Variants in GAS2L3 observed in about 807,000 individuals in gnomAD.
The protein encoded by GAS2L3 is GAS2-like protein 3.
Under a neutral mutation model 37.0 loss-of-function variants are expected in GAS2L3, and 28 were observed. That is an observed-to-expected ratio of 0.76 (90% CI 0.56 to 1.04). The LOEUF is 1.04. Ranked by LOEUF, GAS2L3 falls within the 50% of genes least tolerant of loss-of-function variation. The pLI, the probability that GAS2L3 is intolerant of heterozygous loss-of-function variation, is 0.00. For synonymous variants in GAS2L3, 290 were observed against 296.6 expected (o/e 0.98, Z 0.23); for missense variants, 793 against 817.6 (o/e 0.97, Z 0.37).
intron 3 of GAS2L3, 21 bp downstream of exon 3, chr12:100,594,943 C>A (rs1278908418): frequency 2.6e-6 from 3 of 1,166,250 alleles, no homozygotes; most frequent in Non-Finnish European, 3.6e-6. Context: ...TTCTTGGAAA[C>A]AATATTTAAA....
intron 1 of GAS2L3, among the ~76,000 whole-genome samples, chr12:100,576,742 C>G (rs1955642188): frequency 7.9e-6 from 1 of 126,152 alleles, no homozygotes; most frequent in Non-Finnish European, 1.7e-5. Context: ...TACATTGTTA[C>G]AGAGTAGGTA....
chr12:100,597,685 C>T (rs544600649), intron 3 of GAS2L3, among the ~76,000 whole-genome samples: 46 of 151,218 alleles, frequency 3.0e-4, no homozygotes, highest in African/African-American at 1.0e-3. Flanking sequence ...TGAGTGTATT[C>T]ATTTTCTTTG....
intron 8 of GAS2L3, among the ~76,000 whole-genome samples, chr12:100,621,455 C>A (rs1006233237): frequency 1.3e-5 from 2 of 151,892 alleles, no homozygotes; most frequent in African/African-American, 4.8e-5. Context: ...ATAGAAAATT[C>A]TATAAGCTTC....
rs1331461125 is a variant in GAS2L3, at chr12:100,624,087, A to T, written c.1282A>T (p.Ile428Leu). The T allele has an allele frequency of 6.2e-7, 1 of 1,613,976 alleles. No individual in the cohort carries two copies. The highest frequency in any genetic ancestry group is 2.2e-5 in the East Asian group (1 of 44,888). The change falls in exon 10 of 10, where the codon ATA (isoleucine) becomes TTA (leucine). Residue 428 changes from isoleucine to leucine, a missense_variant. Coordinates refer to ENST00000547754, the MANE Select transcript of GAS2L3 (RefSeq NM_174942.3). ...AGCTTTACCAAGAACTGCACCTTGT[A>T]TATCTGAGTCACCGAGAAAATGTAT... is the stretch of plus-strand genomic sequence containing the variant. Reference protein sequence around the residue: ...SPALPRTAPCISESPRKCISS... With the variant: ...SPALPRTAPCLSESPRKCISS...
intron 1 of GAS2L3, among the ~76,000 whole-genome samples, chr12:100,589,182 C>T (rs571835458): frequency 6.6e-6 from 1 of 152,170 alleles, no homozygotes; most frequent in Admixed American, 6.5e-5. Flanking sequence ...TCTGCTGCGG[C>T]TCCCTCCGTT....
At chr12:100,620,910 T>C (rs945595089) in intron 8 of GAS2L3, among the ~76,000 whole-genome samples, 1 of 152,106 alleles carries the variant, frequency 6.6e-6, no homozygotes, top group Non-Finnish European at 1.5e-5. Context: ...TGTGTATGTT[T>C]GTATCAACAT....
At chr12:100,611,935 C>CA in intron 5 of GAS2L3, 65 bp from the exon 6 acceptor site, 2 of 1,101,570 alleles carry the variant, frequency 1.8e-6, no homozygotes, top group South Asian at 2.6e-5. Flanking sequence ...TTAGCAATAT[C>CA]AAAATGAATG....
intron 8 of GAS2L3, among the ~76,000 whole-genome samples, chr12:100,619,079 A>T (rs1018807596): frequency 1.3e-5 from 2 of 152,092 alleles, no homozygotes; most frequent in Non-Finnish European, 2.9e-5. Flanking sequence ...GACAGGAATT[A>T]GTGAGTGTTT....
rs758194851 is a variant in GAS2L3 at position 100,622,282 on chromosome 12, A to G, written c.656A>G (p.His219Arg). ...RHEELHEAVK[H>R]IAEDPPCSCS... ...ATTTGTTCGTCATCTTAGGTTAAAC[A>G]TATTGCTGAGGACCCTCCTTGTAGT... The change falls in exon 9 of 10, where the codon CAT becomes CGT. Residue 219 changes from histidine (H) to arginine (R), a missense_variant. Physicochemically the swap from His to Arg is conservative, Grantham distance 29. Coordinates refer to ENST00000547754, the MANE Select transcript of GAS2L3 (RefSeq NM_174942.3). 6.4e-7 allele frequency: 1 copy of G among 1,572,482 alleles called. No individual in the cohort carries two copies. The highest frequency in any genetic ancestry group is 1.1e-5 in the South Asian group (1 of 88,604).
chr12:100,595,467 C>G (rs1429845421), intron 3 of GAS2L3, among the ~76,000 whole-genome samples: 4 of 150,386 alleles, frequency 2.7e-5, no homozygotes, highest in African/African-American at 9.8e-5. Context: ...TCAGAATAGC[C>G]TTATATCTGA....
chr12:100,574,072 G>C (rs1301658456), intron 1 of GAS2L3: 1 of 152,398 alleles, frequency 6.6e-6, no homozygotes, highest in Non-Finnish European at 1.5e-5. Context: ...GGGGCGGTTG[G>C]GGCTGCTGGT....
At chr12:100,622,129 TTAA>T in intron 8 of GAS2L3, 143 bp from the exon 9 acceptor site, 1 of 436,846 alleles carries the variant, frequency 2.3e-6, no homozygotes. Context: ...TCAATATTTG[TTAA>T]TAAGCACAGG....
At chr12:100,583,773 T>A (rs561327203) in intron 1 of GAS2L3, among the ~76,000 whole-genome samples, 1 of 152,174 alleles carries the variant, frequency 6.6e-6, no homozygotes, top group South Asian at 2.1e-4. Context: ...CCAGCCGTCA[T>A]TTTTTTTCCT....
chr12:100,598,324 T>G (rs11110433), intron 3 of GAS2L3, among the ~76,000 whole-genome samples: 11,342 of 152,184 alleles, frequency 0.075, 587 homozygotes, highest in South Asian at 0.18. Context: ...TTTAATTACC[T>G]TGATACTTTT....
rs111784514 is a variant in GAS2L3, at chr12:100,583,538, C to T, written c.-151-8198C>T. ...TCCTTCCTTTCTTTCTTTTTTTTCT[C>T]TCAGCTCACTGCAACCTCCACCTCC... On this transcript the variant is annotated intron_variant, in intron 1 of 9. Transcript: ENST00000547754. 1.4e-3 allele frequency among the ~76,000 whole-genome samples: 215 copies of T among 151,936 alleles called. 1 individual carries two copies. Among genetic ancestry groups the T allele is most frequent in the African/African-American group, 3.6e-3 (149 of 41,466 alleles).
chr12:100,616,371 T>C (rs1956187444), intron 6 of GAS2L3, among the ~76,000 whole-genome samples: 1 of 152,188 alleles, frequency 6.6e-6, no homozygotes, highest in Non-Finnish European at 1.5e-5. Context: ...ATTTTGTAGA[T>C]TCTTCAGGGT....
intron 1 of GAS2L3, among the ~76,000 whole-genome samples, chr12:100,590,261 T>C (rs955435113): frequency 2.0e-5 from 3 of 152,042 alleles, no homozygotes; most frequent in African/African-American, 4.8e-5. Flanking sequence ...GCTAAGGACA[T>C]GAATAGACAG....
chr12:100,614,004 G>A (rs1285454097), intron 6 of GAS2L3, among the ~76,000 whole-genome samples: 1 of 152,132 alleles, frequency 6.6e-6, no homozygotes, highest in African/African-American at 2.4e-5. Context: ...TTTAAGGACT[G>A]CAACAGAAAA....
chr12:100,610,248 A>G (rs1461165802), intron 5 of GAS2L3, among the ~76,000 whole-genome samples: 1 of 152,252 alleles, frequency 6.6e-6, no homozygotes, highest in Non-Finnish European at 1.5e-5. Context: ...CAACAGAGAA[A>G]TTGTTAAAAA....
Sources: gnomAD v4.1 joint callset for allele counts (sites outside exome capture counted in the v4.1 genomes callset) on GRCh38, gnomAD v4.1.1 for gene constraint, MANE v1.5 for transcripts, NCBI Gene and HGNC (gene_info 2026-07-23, HGNC 2026-07-21) for gene names.